Variants in L3MBTL1 observed in about 807,000 individuals in gnomAD.
The protein encoded by L3MBTL1 is lethal(3)malignant brain tumor-like protein 1.
L3MBTL1 carries 75 observed loss-of-function variants against 105.3 expected under a neutral mutation model. The observed-to-expected ratio is 0.71, with a 90% CI of 0.59 to 0.86. The LOEUF (loss-of-function observed/expected upper bound fraction) is 0.86, where lower values mean the gene tolerates loss of function less well. L3MBTL1 is among the 40% of genes least tolerant of loss of function. The probability of loss-of-function intolerance (pLI) is 0.00; values close to 1 mark genes in which losing one functional copy is unlikely to be tolerated. For synonymous variants in L3MBTL1, 452 were observed against 436.2 expected, an observed-to-expected ratio of 1.04 and a Z score of -0.45; for missense variants, 1,069 against 1,126.4, an observed-to-expected ratio of 0.95 and a Z score of 0.73.
Position 43,507,995 on chromosome 20 carries a change from G to A in L3MBTL1, c.-29+251G>A, listed in dbSNP as rs559404300. Among the ~76,000 whole-genome samples the A allele has an allele frequency of 1.9e-3, 292 of 152,326 alleles. 1 individual carries two copies. The highest frequency in any genetic ancestry group is 6.8e-3 in the African/African-American group (284 of 41,582). ...AGCCGACCCTGCGGCGTGGCTTCGG[G>A]CTGCGATCAGGAGGGGCGAGGAGGG... is the stretch of plus-strand genomic sequence containing the variant. On this transcript the variant is annotated intron_variant, in intron 1 of 21. Transcript: ENST00000418998.
chr20:43,516,026 A>G, intron 6 of L3MBTL1, 67 bp from the exon 7 acceptor site: 3 of 1,256,760 alleles, frequency 2.4e-6, no homozygotes, highest in Non-Finnish European at 3.5e-6. Context: ...AGGGGCCAGG[A>G]TCAGACCCTA....
intron 7 of L3MBTL1, chr20:43,523,505 C>G (rs1273170446): frequency 7.4e-6 from 2 of 269,374 alleles, no homozygotes; most frequent in African/African-American, 4.5e-5. Flanking sequence ...CCTCCAGAGG[C>G]AACCAGTGCT....
chr20:43,521,705 T>C (rs548857943), intron 7 of L3MBTL1, among the ~76,000 whole-genome samples: 2 of 152,100 alleles, frequency 1.3e-5, no homozygotes, highest in Admixed American at 1.3e-4. Flanking sequence ...AATACCCCCT[T>C]TTAATTATTT....
rs1261165066 is a variant in L3MBTL1 at position 43,533,362 on chromosome 20, A to G, written c.1457A>G (p.Tyr486Cys). The change falls in exon 13 of 22, where the codon TAC (tyrosine) becomes TGC (cysteine). Residue 486 changes from tyrosine to cysteine, a missense_variant. Tyr to Cys is a radical substitution (Grantham distance 194). Transcript: ENST00000418998. Reference sequence around the variant, plus strand: ...TTCAGGTGTGATCCCAGCAGCCCCTACATCCACCCAGTGGGCTGGTGCCAG... The same window carrying G: ...TTCAGGTGTGATCCCAGCAGCCCCTGCATCCACCCAGTGGGCTGGTGCCAG... ...YDYWCDPSSP[Y>C]IHPVGWCQKQ... 2.5e-6 allele frequency: 4 copies of G among 1,613,780 alleles called. No homozygotes were observed. The highest frequency in any genetic ancestry group is 3.4e-6 in the Non-Finnish European group (4 of 1,179,954).
At chr20:43,513,697 C>T in intron 2 of L3MBTL1, 58 bp downstream of exon 2, 2 of 1,548,548 alleles carry the variant, frequency 1.3e-6, no homozygotes, top group Non-Finnish European at 1.7e-6. Context: ...CCTGCTCAAG[C>T]AAGTGTGGAT....
intron 19 of L3MBTL1, among the ~76,000 whole-genome samples, chr20:43,537,729 C>T (rs2019704447): frequency 6.6e-6 from 1 of 152,196 alleles, no homozygotes; most frequent in Admixed American, 6.5e-5. Flanking sequence ...GAATGCATGT[C>T]ATTTTAAGGC....
rs201640833 is a variant in L3MBTL1 at position 43,532,916 on chromosome 20, T to G, written c.1428T>G (p.Tyr476Ter). Residue 476 changes from tyrosine (Y) to a stop codon, truncating the protein, a stop_gained, in exon 12 of 22, where the codon TAT becomes TAG. Coordinates refer to ENST00000418998, the MANE Select transcript of L3MBTL1 (RefSeq NM_001377303.1). LOFTEE classifies it high-confidence loss of function. ...LVHFDNWDDT[Y>*]DYWCDPSSPY... ...ACTTTGACAACTGGGATGATACTTATGACTACTGGTAGTAGGAGGGCCCAG... is the reference window on the plus strand; with the variant it reads ...ACTTTGACAACTGGGATGATACTTAGGACTACTGGTAGTAGGAGGGCCCAG... The G allele has an allele frequency of 4.1e-5, 66 of 1,614,110 alleles. No individual in the cohort carries two copies. The highest frequency in any genetic ancestry group is 1.7e-4 in the Middle Eastern group (1 of 6,060).
intron 17 of L3MBTL1, 73 bp downstream of exon 17, chr20:43,536,009 C>T: frequency 1.9e-6 from 3 of 1,590,382 alleles, no homozygotes; most frequent in Non-Finnish European, 2.6e-6. Flanking sequence ...CTGGGGTCCA[C>T]CAAAACACAC....
intron 7 of L3MBTL1, among the ~76,000 whole-genome samples, chr20:43,518,714 T>C (rs1974664646): frequency 6.6e-6 from 1 of 151,682 alleles, no homozygotes; most frequent in East Asian, 1.9e-4. Context: ...GTATGATAAA[T>C]AATACACTTT....
chr20:43,542,407 C>T (rs1029728607), downstream of L3MBTL1, among the ~76,000 whole-genome samples: 20 of 152,036 alleles, frequency 1.3e-4, 1 homozygote, highest in Admixed American at 1.2e-3. Flanking sequence ...TCCCTGTTTT[C>T]GATGGCCTCT....
intron 19 of L3MBTL1, among the ~76,000 whole-genome samples, chr20:43,537,874 C>T (rs2019710592): frequency 1.3e-5 from 2 of 152,198 alleles, no homozygotes; most frequent in Admixed American, 1.3e-4. Flanking sequence ...TGAAGTCAGA[C>T]TACCTTTTAC....
chr20:43,541,426 A>G lies in L3MBTL1; in HGVS notation c.*298A>G, dbSNP rs540134281. On this transcript the variant is annotated 3_prime_UTR_variant, in exon 22 of 22. Transcript: ENST00000418998. ...AGAGCCATTGTGAGCATTGGAAATG[A>G]TGAATGAATCATACCAGAACGTCTA... The G allele has an allele frequency of 1.6e-4, 59 of 367,158 alleles. No homozygotes were observed. The highest frequency in any genetic ancestry group is 6.6e-4 in the Admixed American group (16 of 24,194). The allele number at this position is 367,158 out of a possible 1,614,324, so 22.7% of individuals were successfully genotyped here. A position where few individuals can be genotyped will look rare whatever the true frequency, so the allele number is the denominator to read the frequency against.
rs1263043504 is a variant in L3MBTL1, at chr20:43,534,406, A to G, written c.1710+12A>G. ...ACCATCGGATAAAGGTGGCTCTGGG[A>G]CCCTAGGGCTGGGAAGTGGACAGGC... is the stretch of plus-strand genomic sequence containing the variant. On this transcript the variant is annotated intron_variant, in intron 15 of 21. Transcript: ENST00000418998. 3 of 1,610,958 alleles carry G rather than the reference A, an allele frequency of 1.9e-6. No homozygotes were observed. The East Asian group carries it at 6.7e-5, about 36-fold the overall frequency.
chr20:43,532,863 G>C lies in L3MBTL1; in HGVS notation c.1375G>C (p.Asp459His). Residue 459 changes from aspartate to histidine, a missense_variant, in exon 12 of 22, where the codon GAT (aspartate) becomes CAT (histidine). Transcript: ENST00000418998. ...CCTTGTCTGCGTGGCCAGTGTGACCGATGTGGTGGACAGCCGCTTCCTGGT... is the reference window on the plus strand; with the variant it reads ...CCTTGTCTGCGTGGCCAGTGTGACCCATGTGGTGGACAGCCGCTTCCTGGT... ...PSLVCVASVT[D>H]VVDSRFLVHF... 6.2e-7 allele frequency: 1 copy of C among 1,614,166 alleles called. No homozygotes were observed. The highest frequency in any genetic ancestry group is 8.5e-7 in the Non-Finnish European group (1 of 1,180,026).
At chr20:43,545,692 G>A (rs1978552629), downstream of L3MBTL1, among the ~76,000 whole-genome samples, 1 of 152,238 alleles carries the variant, frequency 6.6e-6, no homozygotes, top group Admixed American at 6.5e-5. Context: ...TCATTTTAGA[G>A]CATTAGAAAG....
chr20:43,539,189 C>G (rs1479419126), intron 19 of L3MBTL1: 1 of 152,384 alleles, frequency 6.6e-6, no homozygotes, highest in African/African-American at 2.4e-5. Flanking sequence ...CAGGGAGGGT[C>G]TTTGACAAGA....
chr20:43,537,596 C>A (rs535955831), intron 19 of L3MBTL1, among the ~76,000 whole-genome samples: 1 of 152,304 alleles, frequency 6.6e-6, no homozygotes, highest in East Asian at 1.9e-4. Flanking sequence ...CACATTTTAG[C>A]CCATAACATA....
chr20:43,511,632 A>T (rs1425203422), intron 1 of L3MBTL1, among the ~76,000 whole-genome samples: 2 of 151,870 alleles, frequency 1.3e-5, no homozygotes, highest in Non-Finnish European at 2.9e-5. Context: ...AATACAAAAA[A>T]TAGCCAGGCT....
chr20:43,520,087 C>G (rs1323326731), intron 7 of L3MBTL1, among the ~76,000 whole-genome samples: 1 of 152,176 alleles, frequency 6.6e-6, no homozygotes, highest in Non-Finnish European at 1.5e-5. Flanking sequence ...ATCATTCCCC[C>G]TAAAGACCAC....
Sources: allele counts gnomAD v4.1 joint callset (sites outside exome capture counted in the v4.1 genomes callset), GRCh38; gene constraint gnomAD v4.1.1; transcripts MANE v1.5; gene names NCBI Gene and HGNC (gene_info 2026-07-23, HGNC 2026-07-21).